Variants in FAM114A1 observed in about 807,000 individuals in gnomAD.
FAM114A1 encodes family with sequence similarity 114 member A1.
A neutral mutation model predicts 64.3 loss-of-function variants in FAM114A1; 62 were observed. That is an observed-to-expected ratio of 0.96 (90% CI 0.79 to 1.19). The LOEUF is 1.19. FAM114A1 is among the 50% of genes most tolerant of loss of function. The pLI is 0.00. For missense variants in FAM114A1, 645 were observed against 676.3 expected (o/e 0.95, Z 0.51); for synonymous variants, 254 against 251.1 (o/e 1.01, Z -0.11).
At chr4:38,898,574 C>T (rs1402917847) in intron 4 of FAM114A1, among the ~76,000 whole-genome samples, 2 of 152,140 alleles carry the variant, frequency 1.3e-5, no homozygotes, top group Admixed American at 6.5e-5. Context: ...GTTTGTCCAT[C>T]GTCCTTTAGA....
intron 13 of FAM114A1, among the ~76,000 whole-genome samples, chr4:38,936,156 G>C (rs1370397853): frequency 1.3e-5 from 2 of 150,038 alleles, no homozygotes; most frequent in East Asian, 4.0e-4. Flanking sequence ...GCAGTGGCGC[G>C]ATCTCGGCTC....
chr4:38,938,761 C>G, intron 13 of FAM114A1: 1 of 152,278 alleles, frequency 6.6e-6, no homozygotes, highest in East Asian at 1.9e-4. Context: ...TTCACTCAAG[C>G]CTCTCAGTAG....
chr4:38,892,220 A>G (rs1339698434), intron 4 of FAM114A1, among the ~76,000 whole-genome samples: 2 of 152,218 alleles, frequency 1.3e-5, no homozygotes, highest in Non-Finnish European at 2.9e-5. Flanking sequence ...TTAGTGCACA[A>G]CGCATCTACT....
At chr4:38,887,047 G>C (rs991537880) in intron 3 of FAM114A1, among the ~76,000 whole-genome samples, 2 of 152,140 alleles carry the variant, frequency 1.3e-5, no homozygotes, top group African/African-American at 4.8e-5. Flanking sequence ...GTAGGTGGAG[G>C]TGCTATGGTA....
chr4:38,930,866 A>G (rs1720568844), intron 10 of FAM114A1, among the ~76,000 whole-genome samples: 1 of 152,228 alleles, frequency 6.6e-6, no homozygotes, highest in Admixed American at 6.5e-5. Flanking sequence ...ATGTGAAATT[A>G]AACTAGACAC....
intron 2 of FAM114A1, among the ~76,000 whole-genome samples, chr4:38,877,493 C>T (rs1236752444): frequency 3.9e-5 from 6 of 152,180 alleles, no homozygotes; most frequent in Middle Eastern, 3.4e-3. Flanking sequence ...TGATAGGAGG[C>T]GGAGTTCAGG....
At chr4:38,902,334 A>G (rs1360912121) in intron 4 of FAM114A1, among the ~76,000 whole-genome samples, 16 of 152,230 alleles carry the variant, frequency 1.1e-4, no homozygotes, top group Non-Finnish European at 1.5e-5. Flanking sequence ...AATGTCGGCC[A>G]TAGCAGAGAT....
chr4:38,908,862 G>T, intron 7 of FAM114A1, 136 bp downstream of exon 7: 1 of 893,376 alleles, frequency 1.1e-6, no homozygotes, highest in Non-Finnish European at 1.6e-6. Context: ...AGAAAACTGA[G>T]CTTCTAATAC....
chr4:38,883,163 C>G (rs1034164816), intron 3 of FAM114A1, among the ~76,000 whole-genome samples: 1 of 152,180 alleles, frequency 6.6e-6, no homozygotes, highest in Non-Finnish European at 1.5e-5. Flanking sequence ...GCCCAGAAAT[C>G]TGGGTGGTGT....
intron 2 of FAM114A1, among the ~76,000 whole-genome samples, chr4:38,871,500 AT>A (rs1173986095): frequency 6.6e-6 from 1 of 152,176 alleles, no homozygotes; most frequent in Non-Finnish European, 1.5e-5. Flanking sequence ...ATCCATAAAT[AT>A]TTTTTGACAA....
intron 4 of FAM114A1, among the ~76,000 whole-genome samples, chr4:38,904,275 C>G (rs1717783082): frequency 6.6e-6 from 1 of 152,132 alleles, no homozygotes; most frequent in Non-Finnish European, 1.5e-5. Context: ...TTGGACCATC[C>G]GTAGGCTATT....
At position 38,944,616 on chromosome 4, in the gene FAM114A1, T is replaced by C. The variant is rs1721828495; in HGVS notation, c.*1059T>C. The stretch of plus-strand genomic sequence containing the variant: ...CAGCTTCATCTGTATTTACAGCTGC[T>C]CCCCAGAGCTTGCATTACTGCCTGA... On this transcript the variant is annotated 3_prime_UTR_variant, in exon 15 of 15. Transcript: ENST00000358869. 1 of 152,164 alleles carries C rather than the reference T, an allele frequency of 6.6e-6. No individual in the cohort carries two copies. The highest frequency in any genetic ancestry group is 2.1e-4 in the South Asian group (1 of 4,818). The allele number at this position is 152,164 out of a possible 1,614,324, so 9.4% of individuals were successfully genotyped here. A position where few individuals can be genotyped will look rare whatever the true frequency, so the allele number is the denominator to read the frequency against.
At chr4:38,884,936 A>G (rs2109577753) in intron 3 of FAM114A1, among the ~76,000 whole-genome samples, 1 of 151,966 alleles carries the variant, frequency 6.6e-6, no homozygotes, top group East Asian at 1.9e-4. Context: ...AATATACTTA[A>G]CTATTTACAC....
At chr4:38,872,661 A>G (rs1230906051) in intron 2 of FAM114A1, among the ~76,000 whole-genome samples, 2 of 152,234 alleles carry the variant, frequency 1.3e-5, no homozygotes, top group Admixed American at 6.5e-5. Context: ...ATAATAAATT[A>G]AGACAGGGAA....
Position 38,922,800 on chromosome 4 carries a change from G to C in FAM114A1, c.976G>C (p.Glu326Gln). Reference protein sequence around the residue: ...VQSFLASLDGEKLELLKNDLI... With the variant: ...VQSFLASLDGQKLELLKNDLI... ...GTCATTTTTAGCATCACTTGATGGAGAGAAGCTGGAACTCTTAAAAAATGA... is the reference window on the plus strand; with the variant it reads ...GTCATTTTTAGCATCACTTGATGGACAGAAGCTGGAACTCTTAAAAAATGA... Residue 326 changes from glutamate to glutamine, a missense_variant, in exon 9 of 15, where the codon GAG becomes CAG. Glu to Gln is a conservative substitution (Grantham distance 29). Transcript: ENST00000358869. The C allele has an allele frequency of 6.2e-7, 1 of 1,613,196 alleles. No individual in the cohort carries two copies. The highest frequency in any genetic ancestry group is 1.3e-5 in the African/African-American group (1 of 75,002).
intron 13 of FAM114A1, among the ~76,000 whole-genome samples, chr4:38,936,498 A>G (rs1029241063): frequency 4.0e-5 from 6 of 150,414 alleles, no homozygotes; most frequent in African/African-American, 1.5e-4. Flanking sequence ...TTGAATATTC[A>G]CTGTTGCCCT....
chr4:38,878,331 G>A lies in FAM114A1; in HGVS notation c.253G>A (p.Asp85Asn), dbSNP rs1714873977. Residue 85 changes from aspartate (D) to asparagine (N), a missense_variant, in exon 3 of 15, where the codon GAC becomes AAC. Asp to Asn is a conservative substitution (Grantham distance 23). Transcript: ENST00000358869. ...ANALEPPLNG[D>N]VTEDTLAECI... is the part of the protein sequence containing the mutation. ...CGCCCTGGAGCCCCCTCTCAATGGA[G>A]ACGTGACTGAGGATACACTTGCTGA... is the stretch of plus-strand genomic sequence containing the variant. The A allele has an allele frequency of 6.2e-7, 1 of 1,614,248 alleles. No homozygotes were observed. Among genetic ancestry groups the A allele is most frequent in the African/African-American group, 1.3e-5 (1 of 75,068 alleles).
chr4:38,925,956 T>C (rs1240941087), intron 9 of FAM114A1, among the ~76,000 whole-genome samples: 1 of 152,226 alleles, frequency 6.6e-6, no homozygotes, highest in African/African-American at 2.4e-5. Context: ...CTCTACAAAG[T>C]GCTTGTATCT....
intron 13 of FAM114A1, among the ~76,000 whole-genome samples, chr4:38,940,303 G>T (rs551695569): frequency 1.4e-4 from 21 of 152,066 alleles, no homozygotes; most frequent in African/African-American, 4.8e-4. Context: ...TTATATTTAA[G>T]AATGTCTTAA....
Sources: allele counts gnomAD v4.1 joint callset (sites outside exome capture counted in the v4.1 genomes callset), GRCh38; gene constraint gnomAD v4.1.1; transcripts MANE v1.5; gene names NCBI Gene and HGNC (gene_info 2026-07-23, HGNC 2026-07-21).